Variants in PRELID2 observed in about 807,000 individuals in gnomAD.
PRELID2 encodes PRELI domain containing 2, also known as PRELI domain-containing protein 2.
Under a neutral mutation model 28.4 loss-of-function variants are expected in PRELID2, and 25 were observed. That is an observed-to-expected ratio of 0.88 (90% CI 0.64 to 1.23). PRELID2 has a LOEUF of 1.23. PRELID2 is among the 50% of genes most tolerant of loss of function. PRELID2 has a pLI of 0.00. For synonymous variants in PRELID2, 76 were observed against 71.6 expected, an observed-to-expected ratio of 1.06 and a Z score of -0.31; for missense variants, 201 against 214.4, an observed-to-expected ratio of 0.94 and a Z score of 0.39.
chr5:145,650,355 T>C (rs13435950), intron 1 of PRELID2, among the ~76,000 whole-genome samples: 33,113 of 151,518 alleles, frequency 0.22, 6,821 homozygotes, highest in African/African-American at 0.54. Context: ...GATCTTTACC[T>C]GATCCTCTCT....
At chr5:145,413,716 A>G in the PRELID2 span, among the ~76,000 whole-genome samples, 2 of 151,354 alleles carry the variant, frequency 1.3e-5, no homozygotes, top group Admixed American at 6.6e-5. Context: ...CTTCCCTCAG[A>G]CCCTGGTAAT....
At chr5:145,783,962 C>A (rs181776080) in intron 5 of PRELID2, among the ~76,000 whole-genome samples, 22 of 152,224 alleles carry the variant, frequency 1.4e-4, no homozygotes, top group Admixed American at 1.2e-3. Flanking sequence ...CTCAGAGCAA[C>A]TGGTCCAAGG....
intron 1 of PRELID2, among the ~76,000 whole-genome samples, chr5:145,672,492 G>A (rs1485848217): frequency 2.8e-5 from 4 of 141,298 alleles, no homozygotes; most frequent in African/African-American, 8.9e-5. Flanking sequence ...AATTCCCCAC[G>A]GAGCTTGTGA....
chr5:145,523,609 C>T (rs1752582289), intron 1 of PRELID2, among the ~76,000 whole-genome samples: 1 of 152,026 alleles, frequency 6.6e-6, no homozygotes, highest in Admixed American at 6.6e-5. Flanking sequence ...ACTTTCTGTG[C>T]AGGGGTTGGG....
chr5:145,819,372 C>T (rs1754595584), intron 3 of PRELID2: 2 of 1,591,102 alleles, frequency 1.3e-6, no homozygotes, highest in Non-Finnish European at 1.7e-6. Flanking sequence ...TAAAAATTTC[C>T]ACTCACCTTT....
the PRELID2 span, among the ~76,000 whole-genome samples, chr5:145,322,203 C>A: frequency 6.6e-6 from 1 of 152,104 alleles, no homozygotes; most frequent in Non-Finnish European, 1.5e-5. Flanking sequence ...ATCTCCTTAC[C>A]CTTCTCAGTC....
At chr5:145,286,696 G>GTTTTTTTTTTTTTT in the PRELID2 span, among the ~76,000 whole-genome samples, 1 of 116,990 alleles carries the variant, frequency 8.5e-6, no homozygotes, top group African/African-American at 4.0e-5. Flanking sequence ...CAACATAGAA[G>GTTTTTTTTTTTTTT]TTTTTGTTTT....
At chr5:145,281,405 C>T in the PRELID2 span, among the ~76,000 whole-genome samples, 1 of 152,140 alleles carries the variant, frequency 6.6e-6, no homozygotes, top group African/African-American at 2.4e-5. Flanking sequence ...ATGTAGATAG[C>T]CCCTACCCTT....
the PRELID2 span, among the ~76,000 whole-genome samples, chr5:145,336,457 G>A: frequency 6.6e-6 from 1 of 151,688 alleles, no homozygotes; most frequent in Non-Finnish European, 1.5e-5. Flanking sequence ...TGTATAAGGT[G>A]TAAGGAAGGG....
At chr5:145,647,160 G>T (rs1284414176) in intron 1 of PRELID2, among the ~76,000 whole-genome samples, 1 of 152,208 alleles carries the variant, frequency 6.6e-6, no homozygotes, top group African/African-American at 2.4e-5. Context: ...GGAGATGGGG[G>T]TTTTATCTGT....
At chr5:145,285,082 G>A in the PRELID2 span, among the ~76,000 whole-genome samples, 2 of 152,048 alleles carry the variant, frequency 1.3e-5, no homozygotes, top group South Asian at 2.1e-4. Flanking sequence ...TCATGCAATT[G>A]GTAACGGTCA....
At chr5:145,647,586 T>C (rs1754220410) in intron 1 of PRELID2, among the ~76,000 whole-genome samples, 1 of 152,030 alleles carries the variant, frequency 6.6e-6, no homozygotes, top group Non-Finnish European at 1.5e-5. Flanking sequence ...AATAAATAAA[T>C]AAATAACAAC....
intron 1 of PRELID2, among the ~76,000 whole-genome samples, chr5:145,531,699 G>A (rs1421717360): frequency 6.6e-6 from 1 of 152,134 alleles, no homozygotes; most frequent in Non-Finnish European, 1.5e-5. Flanking sequence ...TGAATGTACA[G>A]ATTCCTTGCT....
chr5:145,586,583 A>G (rs1186010489), intron 1 of PRELID2, among the ~76,000 whole-genome samples: 2 of 152,138 alleles, frequency 1.3e-5, no homozygotes, highest in Non-Finnish European at 2.9e-5. Flanking sequence ...TTAATCACAT[A>G]CCAGCTCATT....
intron 1 of PRELID2, among the ~76,000 whole-genome samples, chr5:145,536,446 G>A (rs1469995668): frequency 6.6e-6 from 1 of 151,840 alleles, no homozygotes; most frequent in African/African-American, 2.4e-5. Flanking sequence ...TTTGTACAAC[G>A]AGTTCAAAAT....
chr5:145,611,898 T>C (rs60630086), intron 1 of PRELID2, among the ~76,000 whole-genome samples: 26,601 of 151,976 alleles, frequency 0.18, 3,875 homozygotes, highest in African/African-American at 0.39. Context: ...GAAGTCAAGA[T>C]TTACTGAAAA....
chr5:145,615,077 T>C lies in PRELID2; in HGVS notation n.71-141762A>G, dbSNP rs527450147. ...GTCTATTAGTAATTGTTTTATGAAT[T>C]TGGGAGCTCCAGTGTTAGATGCATA... On this transcript the variant is annotated intron_variant and non_coding_transcript_variant, in intron 1 of 2. Transcript: ENST00000510259. Among the ~76,000 whole-genome samples, 16 of 152,278 alleles carry C rather than the reference T, an allele frequency of 1.1e-4. No individual in the cohort carries two copies. The South Asian group carries it at 3.3e-3, about 32-fold the overall frequency.
At chr5:145,358,331 C>T in the PRELID2 span, among the ~76,000 whole-genome samples, 3 of 151,910 alleles carry the variant, frequency 2.0e-5, no homozygotes, top group East Asian at 1.9e-4. Context: ...AGCTGTGCCC[C>T]TCAGCATATT....
chr5:145,474,148 T>C (rs541843061), intron 1 of PRELID2, among the ~76,000 whole-genome samples: 27 of 152,312 alleles, frequency 1.8e-4, no homozygotes, highest in African/African-American at 6.3e-4. Flanking sequence ...CCTGTGAGAA[T>C]ACTAATAAGT....
Sources: gnomAD v4.1 joint callset for allele counts (sites outside exome capture counted in the v4.1 genomes callset) on GRCh38, gnomAD v4.1.1 for gene constraint, MANE v1.5 for transcripts, NCBI Gene and HGNC (gene_info 2026-07-23, HGNC 2026-07-21) for gene names.